Variants in NTM observed in about 807,000 individuals in gnomAD.
The protein encoded by NTM is IgLON family member 2.
A neutral mutation model predicts 42.1 loss-of-function variants in NTM; 13 were observed. That is an observed-to-expected ratio of 0.31 (90% confidence interval 0.20 to 0.49). The LOEUF (loss-of-function observed/expected upper bound fraction) is 0.49. Among genes scored for constraint, NTM ranks in the 20% least tolerant of loss-of-function variants. NTM has a pLI of 0.99. For synonymous variants in NTM, 187 were observed against 179.2 expected (o/e 1.04, Z -0.35); for missense variants, 373 against 452.8 (o/e 0.82, Z 1.60).
intron 1 of NTM, among the ~76,000 whole-genome samples, chr11:131,740,857 A>C (rs2081089199): frequency 1.3e-5 from 2 of 152,156 alleles, no homozygotes; most frequent in Non-Finnish European, 2.9e-5. Flanking sequence ...ATCTTTGATC[A>C]TTTCCTTGGA....
At chr11:131,769,709 C>A in intron 1 of NTM, 1 of 302,816 alleles carries the variant, frequency 3.3e-6, no homozygotes, top group Non-Finnish European at 4.9e-6. Context: ...CACAAGGCGG[C>A]ACAGCCAGTG....
chr11:131,526,161 A>T (rs866972104), intron 1 of NTM, among the ~76,000 whole-genome samples: 28 of 152,366 alleles, frequency 1.8e-4, no homozygotes, highest in Middle Eastern at 3.4e-3. Context: ...CAAGAGCCCA[A>T]GGTGTGAGTT....
chr11:132,161,623 C>T (rs2074310576), intron 3 of NTM, among the ~76,000 whole-genome samples: 1 of 151,978 alleles, frequency 6.6e-6, no homozygotes, highest in Non-Finnish European at 1.5e-5. Context: ...GTCTTCCTCC[C>T]CCCAACTTTC....
chr11:132,316,222 G>A lies in NTM; in HGVS notation c.934+1519G>A, dbSNP rs180692214. ...TACTTCCCCGGCTTCTTCTCCTTAA[G>A]CCATCTCAGGATGAGAATAGGGAGA... is the stretch of plus-strand genomic sequence containing the variant. On this transcript the variant is annotated intron_variant, in intron 7 of 8. Transcript: ENST00000683400. 1.6e-3 allele frequency among the ~76,000 whole-genome samples: 234 copies of A among 150,322 alleles called. 2 individuals carry two copies. The South Asian group carries it at 0.021, about 13-fold the overall frequency.
intron 2 of NTM, among the ~76,000 whole-genome samples, chr11:131,989,874 G>A (rs555873012): frequency 2.0e-5 from 3 of 152,082 alleles, no homozygotes; most frequent in Non-Finnish European, 2.9e-5. Flanking sequence ...CTTTTGTTTT[G>A]TAGTAATACG....
At chr11:131,939,561 G>A (rs1272320324) in intron 2 of NTM, among the ~76,000 whole-genome samples, 2 of 152,086 alleles carry the variant, frequency 1.3e-5, no homozygotes, top group African/African-American at 4.8e-5. Context: ...GCAGATGGAG[G>A]GAGTATGGCG....
chr11:132,171,592 G>T (rs935606696), intron 3 of NTM, among the ~76,000 whole-genome samples: 1 of 152,154 alleles, frequency 6.6e-6, no homozygotes, highest in African/African-American at 2.4e-5. Flanking sequence ...TAGAGTTTAG[G>T]ATGTCGATAT....
chr11:131,399,595 G>A (rs1944907832), intron 1 of NTM, among the ~76,000 whole-genome samples: 1 of 152,202 alleles, frequency 6.6e-6, no homozygotes, highest in South Asian at 2.1e-4. Context: ...CTGGAAGTGT[G>A]GTTGCTAATC....
intron 1 of NTM, among the ~76,000 whole-genome samples, chr11:131,640,716 C>T (rs2065027644): frequency 6.6e-6 from 1 of 152,130 alleles, no homozygotes; most frequent in Non-Finnish European, 1.5e-5. Flanking sequence ...GTTTAAAAAA[C>T]CTGTAGATGT....
rs114918666 is a variant in NTM at position 131,954,014 on chromosome 11, G to C, written c.167+42366G>C. Among the ~76,000 whole-genome samples, 777 of 152,278 alleles carry C rather than the reference G, an allele frequency of 5.1e-3. 7 individuals are homozygous for C. Among genetic ancestry groups the C allele is most frequent in the African/African-American group, 0.018 (748 of 41,560 alleles). On this transcript the variant is annotated intron_variant, in intron 2 of 8. Coordinates refer to ENST00000683400, the MANE Select transcript of NTM (RefSeq NM_001352005.2). Reference sequence around the variant, plus strand: ...GTAAGGCAGGCAAGGTGAATTTATTGTATTTAATAGCTTCCAATTTAACAA... The same window carrying C: ...GTAAGGCAGGCAAGGTGAATTTATTCTATTTAATAGCTTCCAATTTAACAA...
intron 1 of NTM, among the ~76,000 whole-genome samples, chr11:131,718,855 G>A (rs2078013374): frequency 2.0e-5 from 3 of 152,170 alleles, no homozygotes; most frequent in African/African-American, 4.8e-5. Context: ...CAGCTGGGAT[G>A]AATGCTGTGC....
intron 2 of NTM, among the ~76,000 whole-genome samples, chr11:131,973,457 T>C (rs2063849477): frequency 6.6e-6 from 1 of 152,232 alleles, no homozygotes; most frequent in African/African-American, 2.4e-5. Context: ...TGCTTGTTCC[T>C]CCACTCCACA....
rs188663987 is a variant in NTM, at chr11:132,287,274, A to G, written c.527-20415A>G. Among the ~76,000 whole-genome samples the G allele has an allele frequency of 2.1e-3, 324 of 152,320 alleles. 3 individuals carry two copies. Among genetic ancestry groups the G allele is most frequent in the African/African-American group, 7.4e-3 (307 of 41,582 alleles). ...TCATAGTCAGAATTATGATTTTGGT[A>G]AGTGGAGTATGCTGTGTTTTCCAAA... is the stretch of plus-strand genomic sequence containing the variant. On this transcript the variant is annotated intron_variant, in intron 4 of 8. Transcript: ENST00000683400.
chr11:131,957,072 G>A (rs907332104), intron 2 of NTM, among the ~76,000 whole-genome samples: 18 of 152,234 alleles, frequency 1.2e-4, no homozygotes, highest in African/African-American at 4.3e-4. Flanking sequence ...TTTAGTAACT[G>A]AGGTTTATAG....
chr11:131,562,276 C>T (rs1488416383), intron 1 of NTM, among the ~76,000 whole-genome samples: 1 of 151,932 alleles, frequency 6.6e-6, no homozygotes, highest in Non-Finnish European at 1.5e-5. Context: ...AGTCTCTGGG[C>T]GATTCATCTT....
At chr11:131,663,238 T>A (rs1054134872) in intron 1 of NTM, 3 of 152,218 alleles carry the variant, frequency 2.0e-5, no homozygotes, top group African/African-American at 7.2e-5. Flanking sequence ...GGCCTCTCAG[T>A]GTTGTTTCCC....
At chr11:131,390,586 C>T (rs548592247) in intron 1 of NTM, among the ~76,000 whole-genome samples, 9 of 152,168 alleles carry the variant, frequency 5.9e-5, no homozygotes, top group South Asian at 2.1e-4. Context: ...GGATTGAGGT[C>T]GGGGTGGAGA....
At chr11:132,115,720 C>T (rs531120121) in intron 2 of NTM, among the ~76,000 whole-genome samples, 1 of 152,294 alleles carries the variant, frequency 6.6e-6, no homozygotes, top group African/African-American at 2.4e-5. Flanking sequence ...TTGCCCTTGT[C>T]TTTCTAATGT....
intron 1 of NTM, among the ~76,000 whole-genome samples, chr11:131,900,378 G>A (rs577387597): frequency 1.1e-4 from 17 of 152,364 alleles, no homozygotes; most frequent in East Asian, 3.9e-4. Flanking sequence ...AGGATTTGGA[G>A]CTTTATTCAA....
Sources: allele counts gnomAD v4.1 joint callset (sites outside exome capture counted in the v4.1 genomes callset), GRCh38; gene constraint gnomAD v4.1.1; transcripts MANE v1.5; gene names NCBI Gene and HGNC (gene_info 2026-07-23, HGNC 2026-07-21).